Variants in CACNA1H observed in about 807,000 individuals in gnomAD.
CACNA1H encodes the protein calcium voltage-gated channel subunit alpha1 H.
Under a neutral mutation model 192.5 loss-of-function variants are expected in CACNA1H, and 149 were observed. The observed-to-expected ratio is 0.77, with a 90% CI of 0.68 to 0.89. The LOEUF (loss-of-function observed/expected upper bound fraction) is 0.89. CACNA1H is among the 40% of genes least tolerant of loss of function. The probability of loss-of-function intolerance (pLI) is 0.00; values close to 1 mark genes in which losing one functional copy is unlikely to be tolerated. For missense variants in CACNA1H, 4,257 were observed against 3,423.5 expected, an observed-to-expected ratio of 1.24 and a Z score of -6.08; for synonymous variants, 2,202 against 1,475.2, an observed-to-expected ratio of 1.49 and a Z score of -11.29.
At chr16:1,156,080 G>A (rs1887061893) in intron 2 of CACNA1H, among the ~76,000 whole-genome samples, 1 of 152,228 alleles carries the variant, frequency 6.6e-6, no homozygotes, top group Non-Finnish European at 1.5e-5. Flanking sequence ...ATGGGTGGTC[G>A]GCCTCCTGCC....
At chr16:1,205,359 G>C (rs1445655228) in intron 11 of CACNA1H, 94 bp downstream of exon 11, 1 of 1,328,326 alleles carries the variant, frequency 7.5e-7, no homozygotes, top group Non-Finnish European at 1.0e-6. Context: ...GAGCACAGGA[G>C]GAAGTACGAC....
At position 1,153,403 on chromosome 16, in the gene CACNA1H, A is replaced by AG. The variant is rs1961832116; in HGVS notation, c.-85dup. The AG allele has an allele frequency of 7.0e-6, 1 of 142,514 alleles. No individual in the cohort carries two copies. The highest frequency in any genetic ancestry group is 2.6e-5 in the African/African-American group (1 of 38,834). The allele number at this position is 142,514 out of a possible 1,614,324, so 8.8% of individuals were successfully genotyped here. On this transcript the variant is annotated 5_prime_UTR_variant, in exon 1 of 35. Transcript: ENST00000348261. ...GGGCCGGGGCCGGGGCCGGGCGCCGAGCGGGGTCCGCGGTGACCGCGCCGC... is the reference window on the plus strand; with the variant it reads ...GGGCCGGGGCCGGGGCCGGGCGCCGAGGCGGGGTCCGCGGTGACCGCGCCGC...
intron 2 of CACNA1H, among the ~76,000 whole-genome samples, chr16:1,154,780 G>T (rs1290282403): frequency 6.6e-6 from 1 of 152,232 alleles, no homozygotes; most frequent in Non-Finnish European, 1.5e-5. Context: ...TGCAGAGAAG[G>T]TTCCAGAACA....
chr16:1,156,710 C>A (rs1962451863), intron 2 of CACNA1H, among the ~76,000 whole-genome samples: 1 of 152,174 alleles, frequency 6.6e-6, no homozygotes, highest in Non-Finnish European at 1.5e-5. Flanking sequence ...AGTAAAGTGA[C>A]TCCATGCTCC....
At chr16:1,208,272 C>T in intron 16 of CACNA1H, 51 bp downstream of exon 16, 2 of 1,351,774 alleles carry the variant, frequency 1.5e-6, no homozygotes, top group Non-Finnish European at 1.0e-6. Flanking sequence ...GTTTTCCCTG[C>T]CTGGCTCCTT....
In CACNA1H at chr16:1,202,114, C is replaced by A. The variant is rs9924241; in HGVS notation, c.1664C>A (p.Ala555Glu). Residue 555 changes from alanine (A) to glutamate (E), a missense_variant, in exon 9 of 35, where the codon GCG (alanine) becomes GAG (glutamate). Physicochemically the swap from Ala to Glu is moderately radical, Grantham distance 107. Transcript: ENST00000348261. ...ACDTRLVRAG[A>E]PPSPPSPGRG... ...GACACCAGGCTGGTCCGAGCTGGCG[C>A]GCCCCCCTCGCCACCTTCCCCAGGC... 7 of 1,546,262 alleles carry A rather than the reference C, an allele frequency of 4.5e-6. No individual in the cohort carries two copies. Among genetic ancestry groups the A allele is most frequent in the Non-Finnish European group, 6.1e-6 (7 of 1,145,732 alleles).
Position 1,200,796 on chromosome 16 carries a change from CCTG to C in CACNA1H, c.1203_1205del (p.Leu402del), listed in dbSNP as rs1567509646. On this transcript the variant is annotated inframe_deletion, in exon 8 of 35. Coordinates refer to ENST00000348261, the MANE Select transcript of CACNA1H (RefSeq NM_021098.3). ...CATTCTACAACTTCATCTATTTCAT[CCTG>C]CTCATCATCGTGAGTGTGGGCGGCA... The C allele has an allele frequency of 6.4e-7, 1 of 1,551,906 alleles. No individual in the cohort carries two copies. Among genetic ancestry groups the C allele is most frequent in the South Asian group, 1.2e-5 (1 of 84,150 alleles).
At chr16:1,212,307 C>T (rs375711813) in intron 25 of CACNA1H, 169 bp downstream of exon 25, 46 of 1,179,540 alleles carry the variant, frequency 3.9e-5, no homozygotes, top group Admixed American at 1.4e-4. Flanking sequence ...CCGAGAGGGC[C>T]GTCGGGGAGC....
chr16:1,211,199 G>A lies in CACNA1H; in HGVS notation c.4255G>A (p.Val1419Met). The A allele has an allele frequency of 6.2e-7, 1 of 1,612,974 alleles. No individual in the cohort carries two copies. The highest frequency in any genetic ancestry group is 8.5e-7 in the Non-Finnish European group (1 of 1,179,768). The change falls in exon 22 of 35, where the codon GTG becomes ATG. Residue 1419 changes from valine to methionine, a missense_variant. Coordinates refer to ENST00000348261, the MANE Select transcript of CACNA1H (RefSeq NM_021098.3). ...VISRAPGLKL[V>M]VETLISSLRP... The stretch of plus-strand genomic sequence containing the variant: ...CAGCCGGGCCCCGGGCCTCAAGCTG[G>A]TGGTGGAGACGCTGATATCATCACT...
chr16:1,154,962 C>A (rs1427754502), intron 2 of CACNA1H, among the ~76,000 whole-genome samples: 1 of 152,176 alleles, frequency 6.6e-6, no homozygotes, highest in African/African-American at 2.4e-5. Flanking sequence ...CTGGGGTGGC[C>A]AGGCCGTGGC....
chr16:1,219,959 C>A (rs776672210), intron 34 of CACNA1H, 22 bp from the exon 35 acceptor site: 6 of 1,281,260 alleles, frequency 4.7e-6, no homozygotes, highest in African/African-American at 1.5e-5. Context: ...CCGCCCCTCA[C>A]TTTGACTCTA....
rs1596420303 is a variant in CACNA1H, at chr16:1,204,242, A to C, written c.2235A>C (p.Pro745=). The change falls in exon 10 of 35, where the codon CCA becomes CCC. Residue 745 remains proline (P), a synonymous_variant. Transcript: ENST00000348261. ...GTGACCGCTGGGACCCCACGCGACC[A>C]CCCCGTGCGACGGACACACCAGGCC... ...RHGDRWDPTR[P]PRATDTPGPG... 6.2e-7 allele frequency: 1 copy of C among 1,609,936 alleles called. No homozygotes were observed. Among genetic ancestry groups the C allele is most frequent in the Non-Finnish European group, 8.5e-7 (1 of 1,178,796 alleles).
Position 1,210,591 on chromosome 16 carries a change from C to T in CACNA1H, c.3978C>T (p.Val1326=), listed in dbSNP as rs1212594226. The T allele has an allele frequency of 3.7e-6, 6 of 1,608,708 alleles. No homozygotes were observed. The highest frequency in any genetic ancestry group is 1.3e-5 in the African/African-American group (1 of 74,922). The change falls in exon 20 of 35, where the codon GTC becomes GTT. Residue 1326 remains valine, a synonymous_variant. Coordinates refer to ENST00000348261, the MANE Select transcript of CACNA1H (RefSeq NM_021098.3). ...CCGTCCTCTCCCGGCAGGAGCGGGT[C>T]TTCCTCAGCGTCTCCAATTACATCT... is the stretch of plus-strand genomic sequence containing the variant. ...PDIDPGSTER[V]FLSVSNYIFT... is the part of the protein sequence containing the mutation.
Position 1,212,056 on chromosome 16 carries a change from C to T in CACNA1H, c.4677C>T (p.His1559=), listed in dbSNP as rs370998291. Residue 1559 remains histidine, a synonymous_variant, in exon 25 of 35, where the codon CAC becomes CAT. Transcript: ENST00000348261. ...MFVGVVVENF[H]KCRQHQEAEE... is the part of the protein sequence containing the mutation. Reference sequence around the variant, plus strand: ...TGGGCGTCGTGGTCGAGAACTTCCACAAGTGCCGGCAGCACCAGGAGGCGG... The same window carrying T: ...TGGGCGTCGTGGTCGAGAACTTCCATAAGTGCCGGCAGCACCAGGAGGCGG... 3.3e-5 allele frequency: 54 copies of T among 1,613,226 alleles called. No homozygotes were observed. The highest frequency in any genetic ancestry group is 2.9e-4 in the African/African-American group (22 of 75,048).
intron 25 of CACNA1H, 36 bp from the exon 26 acceptor site, chr16:1,212,475 G>A (rs372640621): frequency 2.6e-4 from 409 of 1,603,078 alleles, no homozygotes; most frequent in Non-Finnish European, 3.3e-4. Flanking sequence ...AGTGCGCCAC[G>A]CCCTCGGCCC....
At chr16:1,163,858 G>A (rs982873919) in intron 2 of CACNA1H, among the ~76,000 whole-genome samples, 3 of 152,364 alleles carry the variant, frequency 2.0e-5, no homozygotes, top group South Asian at 2.1e-4. Flanking sequence ...AAGCCTGGTC[G>A]TTGTGATGAG....
chr16:1,162,666 A>G (rs1219573937), intron 2 of CACNA1H, among the ~76,000 whole-genome samples: 8 of 137,648 alleles, frequency 5.8e-5, no homozygotes, highest in Admixed American at 7.7e-5. Flanking sequence ...TCCTAGGAGG[A>G]GCCGAGCGTC....
At chr16:1,184,924 C>T (rs1398676307) in intron 2 of CACNA1H, among the ~76,000 whole-genome samples, 1 of 152,174 alleles carries the variant, frequency 6.6e-6, no homozygotes, top group Non-Finnish European at 1.5e-5. Flanking sequence ...TATGTGACGA[C>T]CAGCGGATTT....
chr16:1,204,357 G>A lies in CACNA1H; in HGVS notation c.2350G>A (p.Gly784Ser), dbSNP rs779526640. ...WMGRLWVTFS[G>S]KLRRIVDSKY... Reference sequence around the variant, plus strand: ...GGGCCGCCTCTGGGTTACCTTCAGCGGCAAGCTGCGCCGCATCGTGGACAG... The same window carrying A: ...GGGCCGCCTCTGGGTTACCTTCAGCAGCAAGCTGCGCCGCATCGTGGACAG... The change falls in exon 10 of 35, where the codon GGC becomes AGC. Residue 784 changes from glycine (G) to serine (S), a missense_variant. Coordinates refer to ENST00000348261, the MANE Select transcript of CACNA1H (RefSeq NM_021098.3). The A allele has an allele frequency of 1.8e-5, 28 of 1,577,710 alleles. No individual in the cohort carries two copies. In the East Asian group the frequency reaches 2.2e-4, roughly 13 times the overall value.
Sources: allele counts gnomAD v4.1 joint callset (sites outside exome capture counted in the v4.1 genomes callset), GRCh38; gene constraint gnomAD v4.1.1; transcripts MANE v1.5; gene names NCBI Gene and HGNC (gene_info 2026-07-23, HGNC 2026-07-21).